The following COIL variants were observed in gnomAD, a reference collection of about 807,000 sequenced individuals.
COIL encodes the protein coilin p80.
A neutral mutation model predicts 51.6 loss-of-function variants in COIL; 28 were observed. The ratio of observed to expected loss-of-function variants is 0.54; its 90% CI spans 0.40 to 0.74. The LOEUF is 0.74. Among genes scored for constraint, COIL ranks in the 30% least tolerant of loss-of-function variants. COIL has a pLI of 0.00. For synonymous variants in COIL, 233 were observed against 255.8 expected, an observed-to-expected ratio of 0.91 and a Z score of 0.85; for missense variants, 667 against 685.9, an observed-to-expected ratio of 0.97 and a Z score of 0.31.
intron 5 of COIL, among the ~76,000 whole-genome samples, chr17:56,945,907 G>A (rs1021740820): frequency 3.9e-5 from 6 of 152,082 alleles, no homozygotes; most frequent in African/African-American, 1.4e-4. Flanking sequence ...GTAGAGACAG[G>A]GTTTCACCAT....
At position 56,950,508 on chromosome 17, in the gene COIL, C is replaced by G; in HGVS notation, c.734G>C (p.Ser245Thr). 2 of 1,614,218 alleles carry G rather than the reference C, an allele frequency of 1.2e-6. No individual in the cohort carries two copies. Among genetic ancestry groups the G allele is most frequent in the Non-Finnish European group, 1.7e-6 (2 of 1,180,034 alleles). The part of the protein sequence containing the change: ...SVSVCSKESP[S>T]SSSESESCDE... ...ACAAGATTCAGACTCCGAGGAGGAA[C>G]TGGGACTCTCTTTTGAGCAAACGCT... The change falls in exon 2 of 7, where the codon AGT becomes ACT. Residue 245 changes from serine to threonine, a missense_variant. Ser to Thr is a moderately conservative substitution (Grantham distance 58). Transcript: ENST00000240316.
chr17:56,950,326 T>C lies in COIL; in HGVS notation c.916A>G (p.Lys306Glu). ...GATGTTGTTCCAGAGGTCTTGCCCT[T>C]GCTGGGGGTAAGGCTAAAGCCAAGT... Reference protein sequence around the residue: ...IKLGFSLTPSKGKTSGTTSSS... With the variant: ...IKLGFSLTPSEGKTSGTTSSS... The change falls in exon 2 of 7, where the codon AAG becomes GAG. Residue 306 changes from lysine to glutamate, a missense_variant. Transcript: ENST00000240316. The C allele has an allele frequency of 6.2e-7, 1 of 1,614,206 alleles. No homozygotes were observed. The highest frequency in any genetic ancestry group is 8.5e-7 in the Non-Finnish European group (1 of 1,180,042).
In COIL at chr17:56,949,891, G is replaced by C. The variant is rs772476029; in HGVS notation, c.1351C>G (p.Gln451Glu). The C allele has an allele frequency of 6.2e-7, 1 of 1,613,396 alleles. No homozygotes were observed. Among genetic ancestry groups the C allele is most frequent in the Admixed American group, 1.7e-5 (1 of 59,916 alleles). ...AACTTACAAAAAATAATACTTACCT[G>C]GATAATAGTAGATGAATTTTTTACC... ...DVVKNSSTIIQNPVETPKKDY... is the reference protein window; with the variant it reads ...DVVKNSSTIIENPVETPKKDY... Residue 451 changes from glutamine to glutamate, a missense_variant and splice_region_variant, in exon 2 of 7, where the codon CAG becomes GAG. By Grantham distance (29) the Gln-to-Glu change is conservative. Transcript: ENST00000240316.
At position 56,950,093 on chromosome 17, in the gene COIL, G is replaced by T. The variant is rs1221367077; in HGVS notation, c.1149C>A (p.Pro383=). Residue 383 remains proline (P), a synonymous_variant, in exon 2 of 7, where the codon CCC becomes CCA. Coordinates refer to ENST00000240316, the MANE Select transcript of COIL (RefSeq NM_004645.3). ...NGGGQAPGAS[P]SVSLPASLGR... Reference sequence around the variant, plus strand: ...CTAAACTAGCAGGGAGAGACACACTGGGAGAAGCACCAGGAGCCTGTCCAC... The same window carrying T: ...CTAAACTAGCAGGGAGAGACACACTTGGAGAAGCACCAGGAGCCTGTCCAC... The T allele has an allele frequency of 1.2e-6, 2 of 1,614,072 alleles. 1 individual carries two copies. The highest frequency in any genetic ancestry group is 2.2e-5 in the South Asian group (2 of 91,062).
rs771142722 is a variant in COIL at position 56,942,063 on chromosome 17, A to C, written c.1619T>G (p.Val540Gly). The C allele has an allele frequency of 6.2e-7, 1 of 1,614,156 alleles. No homozygotes were observed. The highest frequency in any genetic ancestry group is 1.1e-5 in the South Asian group (1 of 91,082). Residue 540 changes from valine (V) to glycine (G), a missense_variant, in exon 6 of 7, where the codon GTG becomes GGG. Coordinates refer to ENST00000240316, the MANE Select transcript of COIL (RefSeq NM_004645.3). ...GCTCTCCTGTGTCACAGCGTACTCC[A>C]CTACCTCGGCTCCATTTTCATTGTG... The part of the protein sequence containing the change: ...VYHNENGAEV[V>G]EYAVTQESKI...
chr17:56,949,381 C>T lies in COIL; in HGVS notation c.1488+6G>A. 2 of 1,586,498 alleles carry T rather than the reference C, an allele frequency of 1.3e-6. No individual in the cohort carries two copies. The highest frequency in any genetic ancestry group is 1.7e-6 in the Non-Finnish European group (2 of 1,173,064). ...TGACAACTTACTTTTAAATAAACAT[C>T]CTTACCTTGTAGTCAGAGACATCAG... On this transcript the variant is annotated splice_donor_region_variant and intron_variant, in intron 4 of 6. Coordinates refer to ENST00000240316, the MANE Select transcript of COIL (RefSeq NM_004645.3).
At chr17:56,948,184 G>C (rs1010456748) in intron 4 of COIL, among the ~76,000 whole-genome samples, 1 of 147,538 alleles carries the variant, frequency 6.8e-6, no homozygotes, top group Admixed American at 6.9e-5. Flanking sequence ...ACCCAGGCTG[G>C]AGTGCAGTGG....
chr17:56,955,534 G>A (rs1270925455), intron 1 of COIL, among the ~76,000 whole-genome samples: 2 of 152,154 alleles, frequency 1.3e-5, no homozygotes, highest in Non-Finnish European at 2.9e-5. Flanking sequence ...CAAGGCCAAC[G>A]TGAATGCCTG....
chr17:56,944,310 T>C (rs1421979348), intron 5 of COIL, among the ~76,000 whole-genome samples: 1 of 152,128 alleles, frequency 6.6e-6, no homozygotes, highest in African/African-American at 2.4e-5. Flanking sequence ...GTTGGAAACC[T>C]GGCCAGGCAC....
At chr17:56,957,246 CA>C (rs1351706085) in intron 1 of COIL, among the ~76,000 whole-genome samples, 1 of 151,236 alleles carries the variant, frequency 6.6e-6, no homozygotes, top group Non-Finnish European at 1.5e-5. Context: ...GACCCTGTCT[CA>C]AAAAATAAGG....
chr17:56,956,234 G>A (rs933230224), intron 1 of COIL, among the ~76,000 whole-genome samples: 1 of 152,058 alleles, frequency 6.6e-6, no homozygotes, highest in Non-Finnish European at 1.5e-5. Flanking sequence ...ATGAGAACTC[G>A]TCTCTAATAT....
At chr17:56,941,958 T>C in intron 6 of COIL, 77 bp downstream of exon 6, 1 of 1,188,620 alleles carries the variant, frequency 8.4e-7, no homozygotes, top group Non-Finnish European at 1.3e-6. Flanking sequence ...TGTAGTGCAA[T>C]GTCACCTTCC....
Position 56,950,777 on chromosome 17 carries a change from A to C in COIL, c.465T>G (p.Asp155Glu). 1 of 1,613,692 alleles carries C rather than the reference A, an allele frequency of 6.2e-7. No individual in the cohort carries two copies. Among genetic ancestry groups the C allele is most frequent in the Non-Finnish European group, 8.5e-7 (1 of 1,179,986 alleles). Residue 155 changes from aspartate to glutamate, a missense_variant, in exon 2 of 7, where the codon GAT (aspartate) becomes GAG (glutamate). Physicochemically the swap from Asp to Glu is conservative, Grantham distance 45 (BLOSUM62 2). Coordinates refer to ENST00000240316, the MANE Select transcript of COIL (RefSeq NM_004645.3). ...TCTTGTTTTTTTTGCTGACAGTCTG[A>C]TCTGTGACAGCTTTTGGTTCCAGAT... is the stretch of plus-strand genomic sequence containing the variant. ...VLDLEPKAVT[D>E]QTVSKKNKRK...
chr17:56,960,540 T>A (rs1209623125), intron 1 of COIL: 3 of 218,130 alleles, frequency 1.4e-5, no homozygotes, highest in East Asian at 1.8e-4. Flanking sequence ...AAAAAAATAA[T>A]AATAAAAAAT....
chr17:56,954,902 A>G (rs1043762181), intron 1 of COIL, among the ~76,000 whole-genome samples: 1 of 152,166 alleles, frequency 6.6e-6, no homozygotes, highest in Admixed American at 6.6e-5. Flanking sequence ...CATTCCTGTC[A>G]GGTGCACCTT....
chr17:56,940,600 T>C (rs1232420057), intron 6 of COIL, among the ~76,000 whole-genome samples: 1 of 152,122 alleles, frequency 6.6e-6, no homozygotes, highest in Non-Finnish European at 1.5e-5. Context: ...CTGGAATAAA[T>C]CCCTAAAAGT....
chr17:56,953,212 C>T (rs12939301), intron 1 of COIL, among the ~76,000 whole-genome samples: 14,471 of 151,550 alleles, frequency 0.095, 816 homozygotes, highest in East Asian at 0.19. Context: ...GAGATCGAGA[C>T]CATCCTGGCT....
intron 4 of COIL, among the ~76,000 whole-genome samples, chr17:56,948,437 C>A (rs1317553797): frequency 6.6e-6 from 1 of 152,050 alleles, no homozygotes; most frequent in Non-Finnish European, 1.5e-5. Flanking sequence ...CCAAGCCCAG[C>A]CTTGAGGAAA....
chr17:56,946,054 C>A (rs1910243492), intron 5 of COIL, among the ~76,000 whole-genome samples: 1 of 152,158 alleles, frequency 6.6e-6, no homozygotes. Flanking sequence ...CAAAAATTTG[C>A]AAGGCAATCT....
Sources: gnomAD v4.1 joint callset for allele counts (sites outside exome capture counted in the v4.1 genomes callset) on GRCh38, gnomAD v4.1.1 for gene constraint, MANE v1.5 for transcripts, NCBI Gene and HGNC (gene_info 2026-07-23, HGNC 2026-07-21) for gene names.